Variants in CD28 observed in about 807,000 individuals in gnomAD.
CD28 encodes the protein CD28 molecule.
CD28 carries 8 observed loss-of-function variants against 21.4 expected under a neutral mutation model. The ratio of observed to expected loss-of-function variants is 0.37; its 90% confidence interval spans 0.22 to 0.68. The LOEUF is 0.68. CD28 is among the 30% of genes least tolerant of loss of function. CD28 has a pLI of 0.55. For synonymous variants in CD28, 106 were observed against 104.0 expected, an observed-to-expected ratio of 1.02 and a Z score of -0.12; for missense variants, 239 against 272.2, an observed-to-expected ratio of 0.88 and a Z score of 0.86.
intron 1 of CD28, among the ~76,000 whole-genome samples, chr2:203,707,186 T>C (rs34453488): frequency 0.35 from 52,415 of 151,666 alleles, 9,235 homozygotes; most frequent in South Asian, 0.6. Flanking sequence ...TTCTTTCTTT[T>C]TTTTTTTAAT....
chr2:203,710,835 T>C (rs1237151434), intron 1 of CD28, among the ~76,000 whole-genome samples: 1 of 152,216 alleles, frequency 6.6e-6, no homozygotes, highest in Non-Finnish European at 1.5e-5. Context: ...CACAATTGTT[T>C]CCCAGCAGGT....
chr2:203,732,717 C>T (rs1170396297), intron 3 of CD28, among the ~76,000 whole-genome samples: 1 of 152,144 alleles, frequency 6.6e-6, no homozygotes, highest in East Asian at 1.9e-4. Flanking sequence ...GTAGGTACTT[C>T]CTGCACACAT....
upstream of CD28, chr2:203,706,586 C>T (rs752155336): frequency 2.1e-5 from 33 of 1,596,322 alleles, no homozygotes; most frequent in Admixed American, 5.2e-5. Context: ...TGGTGGTGGC[C>T]GTGGATGACG....
At chr2:203,707,035 G>A (rs113922061) in intron 1 of CD28, among the ~76,000 whole-genome samples, 9 of 151,910 alleles carry the variant, frequency 5.9e-5, no homozygotes, top group African/African-American at 2.2e-4. Context: ...ATTGAGATGG[G>A]GTTTCACTAT....
intron 1 of CD28, among the ~76,000 whole-genome samples, chr2:203,717,563 T>G (rs1693494824): frequency 6.6e-6 from 1 of 152,220 alleles, no homozygotes; most frequent in East Asian, 1.9e-4. Context: ...TCTTGCCCAA[T>G]TTTGTGTGTG....
At chr2:203,717,687 G>A (rs929804601) in intron 1 of CD28, among the ~76,000 whole-genome samples, 7 of 152,180 alleles carry the variant, frequency 4.6e-5, no homozygotes, top group African/African-American at 1.4e-4. Context: ...GTATTTGTGG[G>A]ATGCAGAATC....
rs928908115 is a variant in CD28 at position 203,706,936 on chromosome 2, C to T, written c.52+188C>T. ...TACAATATAGTATCTTAACAAAAGT[C>T]CCTTGGAAATAAATTTTCTAAGCTA... On this transcript the variant is annotated intron_variant, in intron 1 of 3. Coordinates refer to ENST00000324106, the MANE Select transcript of CD28 (RefSeq NM_006139.4). Among the ~76,000 whole-genome samples, 9 of 151,978 alleles carry T rather than the reference C, an allele frequency of 5.9e-5. No individual in the cohort carries two copies. In the East Asian group the frequency reaches 1.7e-3, roughly 29 times the overall value.
chr2:203,722,526 C>T (rs1290342959), intron 1 of CD28, among the ~76,000 whole-genome samples: 2 of 152,128 alleles, frequency 1.3e-5, no homozygotes, highest in African/African-American at 2.4e-5. Context: ...ACAATACAGC[C>T]GAATCACCAT....
chr2:203,723,779 A>G (rs1693671468), intron 1 of CD28, among the ~76,000 whole-genome samples: 1 of 152,190 alleles, frequency 6.6e-6, no homozygotes, highest in Non-Finnish European at 1.5e-5. Flanking sequence ...TGGAGCCCTC[A>G]TTCACTGCTG....
chr2:203,718,624 T>C (rs1228447571), intron 1 of CD28, among the ~76,000 whole-genome samples: 1 of 152,238 alleles, frequency 6.6e-6, no homozygotes, highest in Non-Finnish European at 1.5e-5. Flanking sequence ...AAATGGAACC[T>C]GATAAAGTTC....
Position 203,737,030 on chromosome 2 carries a change from T to C in CD28, c.*2118T>C, listed in dbSNP as rs1487152918. On this transcript the variant is annotated 3_prime_UTR_variant, in exon 4 of 4. Coordinates refer to ENST00000324106, the MANE Select transcript of CD28 (RefSeq NM_006139.4). ...ACTACGCAGGGATGAGGTGCTATAA[T>C]ATGAGGACCTTTTAACTTCCATCAT... 2 of 152,258 alleles carry C rather than the reference T, an allele frequency of 1.3e-5. No individual in the cohort carries two copies. The highest frequency in any genetic ancestry group is 2.9e-5 in the Non-Finnish European group (2 of 68,052). The allele number at this position is 152,258 out of a possible 1,614,324, so 9.4% of individuals were successfully genotyped here.
upstream of CD28, chr2:203,706,496 A>C: frequency 6.6e-7 from 1 of 1,506,306 alleles, no homozygotes; most frequent in Non-Finnish European, 9.0e-7. Context: ...AAACAACGTT[A>C]TATCCTGTGT....
intron 2 of CD28, 29 bp downstream of exon 2, chr2:203,727,018 C>A: frequency 1.5e-6 from 2 of 1,362,794 alleles, no homozygotes; most frequent in Non-Finnish European, 2.1e-6. Context: ...AGTGTACCAC[C>A]CTAAAGTAAT....
chr2:203,721,481 A>G (rs1214294705), intron 1 of CD28, among the ~76,000 whole-genome samples: 2 of 151,954 alleles, frequency 1.3e-5, no homozygotes, highest in African/African-American at 2.4e-5. Context: ...TCCCTTGCCC[A>G]GACTACTCTT....
rs1581515842 is a variant in CD28 at position 203,729,530 on chromosome 2, G to A, written c.410-118G>A. ...CAAAGAGGAAATCTATTCACTCTAA[G>A]CTGGTGATATGTTTAATATTTTTAT... On this transcript the variant is annotated intron_variant, in intron 2 of 3. Coordinates refer to ENST00000324106, the MANE Select transcript of CD28 (RefSeq NM_006139.4). 4.7e-6 allele frequency: 5 copies of A among 1,065,832 alleles called. No homozygotes were observed. In the East Asian group the frequency reaches 1.2e-4, roughly 26 times the overall value. 66.0% of individuals were successfully genotyped at this position (1,065,832 alleles called of 1,614,324 possible). A position where few individuals can be genotyped will look rare whatever the true frequency, so the allele number is the denominator to read the frequency against.
At chr2:203,716,461 CA>C (rs951707312) in intron 1 of CD28, among the ~76,000 whole-genome samples, 32 of 152,176 alleles carry the variant, frequency 2.1e-4, no homozygotes, top group African/African-American at 6.0e-4. Flanking sequence ...TCCTAAGAAT[CA>C]AGTACATTAA....
intron 3 of CD28, among the ~76,000 whole-genome samples, chr2:203,733,121 C>T (rs1320714808): frequency 1.3e-5 from 2 of 152,192 alleles, no homozygotes; most frequent in Non-Finnish European, 2.9e-5. Flanking sequence ...TCCTCGGCCT[C>T]ACCCCTGCCC....
At chr2:203,727,447 TTCCTTCCTTCC>T (rs1268225405) in intron 2 of CD28, among the ~76,000 whole-genome samples, 2 of 151,494 alleles carry the variant, frequency 1.3e-5, no homozygotes, top group Non-Finnish European at 2.9e-5. Flanking sequence ...CCTTCCTTCC[TTCCTTCCTTCC>T]TTCCTTCCTT....
intron 1 of CD28, 87 bp from the exon 2 acceptor site, chr2:203,726,546 C>A: frequency 2.2e-6 from 2 of 898,870 alleles, no homozygotes; most frequent in South Asian, 1.6e-5. Context: ...GAGATCTGTT[C>A]ATTTAGTTAA....
Sources: allele counts gnomAD v4.1 joint callset (sites outside exome capture counted in the v4.1 genomes callset), GRCh38; gene constraint gnomAD v4.1.1; transcripts MANE v1.5; gene names NCBI Gene and HGNC (gene_info 2026-07-23, HGNC 2026-07-21).